TMEM117: variants seen among roughly 807,000 people sequenced by gnomAD.
The protein encoded by TMEM117 is transmembrane protein 117.
A neutral mutation model predicts 52.4 loss-of-function variants in TMEM117; 27 were observed. That is an observed-to-expected ratio of 0.51 (90% confidence interval 0.38 to 0.71). The LOEUF (loss-of-function observed/expected upper bound fraction) is 0.71. Ranked by LOEUF, TMEM117 falls within the 30% of genes least tolerant of loss-of-function variation. The probability of loss-of-function intolerance (pLI) is 0.00; values close to 1 mark genes in which losing one functional copy is unlikely to be tolerated. For missense variants in TMEM117, 556 were observed against 630.5 expected (o/e 0.88, Z 1.26); for synonymous variants, 215 against 206.3 (o/e 1.04, Z -0.36).
chr12:44,176,049 A>G (rs1489038485), intron 4 of TMEM117, among the ~76,000 whole-genome samples: 2 of 152,176 alleles, frequency 1.3e-5, no homozygotes, highest in Non-Finnish European at 2.9e-5. Flanking sequence ...CAAGGGGGAG[A>G]TGGGAATAAG....
chr12:44,327,617 T>C lies in TMEM117; in HGVS notation c.768+27878T>C, dbSNP rs114391693. Among the ~76,000 whole-genome samples, 1,090 of 152,346 alleles carry C rather than the reference T, an allele frequency of 7.2e-3. 13 individuals carry two copies. Among genetic ancestry groups the C allele is most frequent in the African/African-American group, 0.024 (991 of 41,576 alleles). On this transcript the variant is annotated intron_variant, in intron 6 of 7. Coordinates refer to ENST00000266534, the MANE Select transcript of TMEM117 (RefSeq NM_032256.3). The stretch of plus-strand genomic sequence containing the variant: ...GGGATAATAAACATTTTATATATTT[T>C]AACATCTGTTATATTTATGTTTCAT...
intron 2 of TMEM117, among the ~76,000 whole-genome samples, chr12:43,889,192 C>T (rs1944056642): frequency 6.6e-6 from 1 of 151,892 alleles, no homozygotes; most frequent in African/African-American, 2.4e-5. Context: ...AAGCAATTCT[C>T]CTGCCTCAGC....
At chr12:44,060,848 A>C (rs1351865704) in intron 3 of TMEM117, among the ~76,000 whole-genome samples, 5 of 152,138 alleles carry the variant, frequency 3.3e-5, no homozygotes, top group African/African-American at 1.2e-4. Flanking sequence ...TATTTTGTAA[A>C]TGGGAGAGAC....
At chr12:44,201,990 CTT>C (rs1464132229) in intron 4 of TMEM117, among the ~76,000 whole-genome samples, 2 of 151,582 alleles carry the variant, frequency 1.3e-5, no homozygotes, top group Non-Finnish European at 2.9e-5. Context: ...CATGTGATAT[CTT>C]TATATATATC....
the TMEM117 span, among the ~76,000 whole-genome samples, chr12:43,820,585 T>A: frequency 2.9e-5 from 4 of 137,250 alleles, no homozygotes; most frequent in Non-Finnish European, 6.2e-5. Flanking sequence ...AGGCGTATTT[T>A]TTTTTTTTTT....
intron 5 of TMEM117, among the ~76,000 whole-genome samples, chr12:44,261,432 A>G (rs1274924108): frequency 6.6e-6 from 1 of 152,244 alleles, no homozygotes; most frequent in African/African-American, 2.4e-5. Context: ...GGTATTTATG[A>G]AATCAGTAGT....
intron 3 of TMEM117, among the ~76,000 whole-genome samples, chr12:44,119,028 T>G (rs1374050379): frequency 2.0e-5 from 3 of 152,234 alleles, no homozygotes; most frequent in Admixed American, 2.0e-4. Flanking sequence ...GTTTTACTGT[T>G]AATTTTTTTT....
At chr12:44,021,177 G>C (rs1439978791) in intron 3 of TMEM117, among the ~76,000 whole-genome samples, 1 of 152,012 alleles carries the variant, frequency 6.6e-6, no homozygotes, top group East Asian at 1.9e-4. Flanking sequence ...TCATGTCACG[G>C]GGGTTTGTTG....
chr12:43,942,221 T>G (rs543727818), intron 2 of TMEM117, among the ~76,000 whole-genome samples: 2 of 152,316 alleles, frequency 1.3e-5, no homozygotes, highest in East Asian at 3.9e-4. Flanking sequence ...TTGCTTACAG[T>G]TGAATCTCCA....
intron 3 of TMEM117, among the ~76,000 whole-genome samples, chr12:43,958,298 G>A (rs1017209785): frequency 6.6e-6 from 1 of 152,156 alleles, no homozygotes; most frequent in African/African-American, 2.4e-5. Context: ...ATCCTTCTGT[G>A]AACTGGAATG....
chr12:44,351,534 A>G (rs1267003337), intron 6 of TMEM117, among the ~76,000 whole-genome samples: 3 of 151,888 alleles, frequency 2.0e-5, no homozygotes, highest in Non-Finnish European at 1.5e-5. Flanking sequence ...TGATTTTTGT[A>G]TGTAGTGAGA....
chr12:44,243,832 C>T (rs1024907527), intron 5 of TMEM117, among the ~76,000 whole-genome samples: 1 of 149,006 alleles, frequency 6.7e-6, no homozygotes, highest in Non-Finnish European at 1.5e-5. Flanking sequence ...TACTTCTATA[C>T]ATTCAACTTT....
intron 3 of TMEM117, among the ~76,000 whole-genome samples, chr12:43,954,511 A>C (rs1006735908): frequency 1.3e-5 from 2 of 152,222 alleles, no homozygotes; most frequent in Non-Finnish European, 2.9e-5. Context: ...AGAGAATACT[A>C]TAAGCAACTC....
chr12:44,345,859 T>C (rs1951479570), intron 6 of TMEM117, among the ~76,000 whole-genome samples: 1 of 152,134 alleles, frequency 6.6e-6, no homozygotes, highest in South Asian at 2.1e-4. Flanking sequence ...TTCAGGGTTC[T>C]GTAAATAGGA....
chr12:44,268,502 C>T (rs1950406963), intron 5 of TMEM117, among the ~76,000 whole-genome samples: 1 of 151,782 alleles, frequency 6.6e-6, no homozygotes, highest in African/African-American at 2.4e-5. Context: ...ATGAGAAATA[C>T]TACATATGTA....
At chr12:43,914,540 T>C (rs1160991759) in intron 2 of TMEM117, among the ~76,000 whole-genome samples, 1 of 152,162 alleles carries the variant, frequency 6.6e-6, no homozygotes, top group African/African-American at 2.4e-5. Flanking sequence ...CAATGGAGCT[T>C]TCAGCCTCCA....
intron 2 of TMEM117, among the ~76,000 whole-genome samples, chr12:43,848,699 A>T (rs1411089117): frequency 6.6e-6 from 1 of 152,200 alleles, no homozygotes; most frequent in African/African-American, 2.4e-5. Context: ...AGTGGTCCTG[A>T]GGTGACATAC....
intron 4 of TMEM117, among the ~76,000 whole-genome samples, chr12:44,171,389 A>G (rs1949044420): frequency 6.6e-6 from 1 of 152,160 alleles, no homozygotes; most frequent in Non-Finnish European, 1.5e-5. Flanking sequence ...ACTTTTGCCC[A>G]TTAATCTTAG....
chr12:44,207,018 C>G (rs1399699156), intron 4 of TMEM117, among the ~76,000 whole-genome samples: 1 of 152,134 alleles, frequency 6.6e-6, no homozygotes, highest in Non-Finnish European at 1.5e-5. Flanking sequence ...CAAGAAGAAA[C>G]TATCTAAACA....
Sources: allele counts gnomAD v4.1 joint callset (sites outside exome capture counted in the v4.1 genomes callset), GRCh38; gene constraint gnomAD v4.1.1; transcripts MANE v1.5; gene names NCBI Gene and HGNC (gene_info 2026-07-23, HGNC 2026-07-21).